APOA2: variants seen among roughly 807,000 people sequenced by gnomAD.
APOA2 encodes the protein apolipoprotein A2, also known as apolipoprotein A-II.
A neutral mutation model predicts 7.4 loss-of-function variants in APOA2; 3 were observed. The observed-to-expected ratio is 0.41, with a 90% CI of 0.18 to 1.05. The LOEUF is 1.05. Ranked by LOEUF, APOA2 falls within the 50% of genes least tolerant of loss-of-function variation. The pLI, the probability that APOA2 is intolerant of heterozygous loss-of-function variation, is 0.33. For synonymous variants in APOA2, 42 were observed against 47.8 expected (o/e 0.88, Z 0.50); for missense variants, 90 against 116.3 (o/e 0.77, Z 1.04).
rs1571634650 is a variant in APOA2, at chr1:161,222,377, G to T, written c.*28C>A. On this transcript the variant is annotated 3_prime_UTR_variant, in exon 4 of 4. Transcript: ENST00000367990. ...CCAGTGGGTGTTCTAGAGGCCAGCT[G>T]GGGTTGGAAGACAATGGTCTGGACA... 1 of 1,582,944 alleles carries T rather than the reference G, an allele frequency of 6.3e-7. No homozygotes were observed. Among genetic ancestry groups the T allele is most frequent in the Non-Finnish European group, 8.7e-7 (1 of 1,151,680 alleles).
intron 2 of APOA2, 142 bp downstream of exon 2, chr1:161,223,208 G>A (rs1666204617): frequency 1.3e-6 from 2 of 1,550,636 alleles, no homozygotes; most frequent in African/African-American, 1.4e-5. Flanking sequence ...ATCTTTGGAT[G>A]GGCTTTCTGG....
intron 2 of APOA2, 58 bp downstream of exon 2, chr1:161,223,292 G>A (rs1420269846): frequency 1.2e-6 from 2 of 1,604,226 alleles, no homozygotes; most frequent in South Asian, 1.1e-5. Flanking sequence ...CAGGCAGATA[G>A]GTAGCTATAA....
At chr1:161,222,778 A>G in intron 3 of APOA2, 140 bp downstream of exon 3, 1 of 1,281,332 alleles carries the variant, frequency 7.8e-7, no homozygotes, top group Non-Finnish European at 1.1e-6. Context: ...TCTTTGGGTG[A>G]TGAAATACTT....
In APOA2 at chr1:161,222,321, G is replaced by T; in HGVS notation, c.*84C>A. 1.0e-6 allele frequency: 1 copy of T among 970,540 alleles called. No homozygotes were observed. The highest frequency in any genetic ancestry group is 1.6e-6 in the Non-Finnish European group (1 of 606,868). 60.1% of individuals were successfully genotyped at this position (970,540 alleles called of 1,614,324 possible). ...TTCATTCAGCATTTATTGTAGCAAAGAGTGGGTAGGGACAGGAGCTCTAGG... is the reference window on the plus strand; with the variant it reads ...TTCATTCAGCATTTATTGTAGCAAATAGTGGGTAGGGACAGGAGCTCTAGG... On this transcript the variant is annotated 3_prime_UTR_variant, in exon 4 of 4. Coordinates refer to ENST00000367990, the MANE Select transcript of APOA2 (RefSeq NM_001643.2).
rs17244502 is a variant in APOA2 at position 161,223,055 on chromosome 1, C to CCA, written c.53-7_53-6dup. 50,949 of 1,578,498 alleles carry CCA rather than the reference C, an allele frequency of 0.032. 88 individuals carry two copies. Among genetic ancestry groups the CCA allele is most frequent in the Non-Finnish European group, 0.035 (40,057 of 1,158,328 alleles). ...CCTGTCTCCGAACCAAAGCTCCTGC[C>CCA]CACACACACACACACACACACACAC... On this transcript the variant is annotated splice_region_variant and splice_polypyrimidine_tract_variant and intron_variant, in intron 2 of 3. Transcript: ENST00000367990.
In APOA2 at chr1:161,222,656, C is replaced by A. The variant is rs1033003111; in HGVS notation, c.186-134G>T. 2.1e-5 allele frequency: 20 copies of A among 953,814 alleles called. No homozygotes were observed. The African/African-American group carries it at 3.1e-4, about 15-fold the overall frequency. The allele number at this position is 953,814 out of a possible 1,614,324, so 59.1% of individuals were successfully genotyped here. On this transcript the variant is annotated intron_variant, in intron 3 of 3. Coordinates refer to ENST00000367990, the MANE Select transcript of APOA2 (RefSeq NM_001643.2). ...GTGCCTGGTCCATCGCATGGCAAAG[C>A]CCCTAGGTAGGAATAGAGTCAAGAC...
Position 161,222,420 on chromosome 1 carries a change from C to T in APOA2, c.288G>A (p.Gln96=), listed in dbSNP as rs6413454. 5.3e-4 allele frequency: 851 copies of T among 1,614,136 alleles called. 4 individuals are homozygous for T. In the African/African-American group the frequency reaches 9.8e-3, roughly 19 times the overall value. ...FLSYFVELGT[Q]PATQ The stretch of plus-strand genomic sequence containing the variant: ...TCTGGACACTTCACTGGGTGGCAGG[C>T]TGTGTTCCAAGTTCCACGAAATAGC... The change falls in exon 4 of 4, where the codon CAG becomes CAA. Residue 96 remains glutamine, a synonymous_variant. Transcript: ENST00000367990.
rs113746270 is a variant in APOA2, at chr1:161,223,053, G to T, written c.53-3C>A. ...TGCCTGTCTCCGAACCAAAGCTCCTGCCCACACACACACACACACACACAC... is the reference window on the plus strand; with the variant it reads ...TGCCTGTCTCCGAACCAAAGCTCCTTCCCACACACACACACACACACACAC... On this transcript the variant is annotated splice_region_variant and splice_polypyrimidine_tract_variant and intron_variant, in intron 2 of 3. Coordinates refer to ENST00000367990, the MANE Select transcript of APOA2 (RefSeq NM_001643.2). The T allele has an allele frequency of 6.3e-7, 1 of 1,582,470 alleles. No individual in the cohort carries two copies. The highest frequency in any genetic ancestry group is 8.5e-7 in the Non-Finnish European group (1 of 1,170,326).
chr1:161,223,089 ACACACT>A (rs2102068335), intron 2 of APOA2, 39 bp from the exon 3 acceptor site: 2 of 1,062,104 alleles, frequency 1.9e-6, no homozygotes, highest in African/African-American at 1.7e-5. Flanking sequence ...ACACACACAC[ACACACT>A]CTTTTCAGCT....
Position 161,223,421 on chromosome 1 carries a change from G to A in APOA2, c.-20C>T, listed in dbSNP as rs756693875. ...CTTCATGTTGGTAACAGTGGGGAGG[G>A]CGGCCTAGGAAGAGGGTGGTGGGGG... On this transcript the variant is annotated 5_prime_UTR_variant, in exon 2 of 4. Coordinates refer to ENST00000367990, the MANE Select transcript of APOA2 (RefSeq NM_001643.2). 3 of 1,611,244 alleles carry A rather than the reference G, an allele frequency of 1.9e-6. No homozygotes were observed. The highest frequency in any genetic ancestry group is 1.7e-5 in the Admixed American group (1 of 59,698).
At chr1:161,222,736 G>T (rs1456796894) in intron 3 of APOA2, among the ~76,000 whole-genome samples, 182 bp downstream of exon 3, 2 of 152,194 alleles carry the variant, frequency 1.3e-5, no homozygotes, top group Non-Finnish European at 2.9e-5. Context: ...CCCAGTTCTT[G>T]CTGTTCCTCT....
intron 2 of APOA2, 22 bp downstream of exon 2, chr1:161,223,328 C>A (rs755246981): frequency 6.2e-7 from 1 of 1,613,458 alleles, no homozygotes. Context: ...CCCTTTTGGC[C>A]CCCTCTCCAT....
In APOA2 at chr1:161,223,596, T is replaced by A. The variant is rs1178103574; in HGVS notation, c.-26A>T. On this transcript the variant is annotated splice_region_variant and 5_prime_UTR_variant, in exon 1 of 4. Coordinates refer to ENST00000367990, the MANE Select transcript of APOA2 (RefSeq NM_001643.2). ...ACACATCTTGCCTCCTTATCTTACC[T>A]AGCCAGCGTCTCTGTCCTTGGTGTC... The A allele has an allele frequency of 1.4e-5, 9 of 646,554 alleles. No individual in the cohort carries two copies. The highest frequency in any genetic ancestry group is 2.2e-5 in the Non-Finnish European group (8 of 360,336). The allele number at this position is 646,554 out of a possible 1,614,324, so 40.1% of individuals were successfully genotyped here.
At position 161,223,443 on chromosome 1, in the gene APOA2, G is replaced by A. The variant is rs775147319; in HGVS notation, c.-24-18C>T. 4 of 1,597,712 alleles carry A rather than the reference G, an allele frequency of 2.5e-6. No individual in the cohort carries two copies. Among genetic ancestry groups the A allele is most frequent in the Non-Finnish European group, 3.4e-6 (4 of 1,170,228 alleles). On this transcript the variant is annotated intron_variant, in intron 1 of 3. Coordinates refer to ENST00000367990, the MANE Select transcript of APOA2 (RefSeq NM_001643.2). The stretch of plus-strand genomic sequence containing the variant: ...AGGGCGGCCTAGGAAGAGGGTGGTG[G>A]GGGTTTGGGGGACACTGAAGCCAAA...
rs1666190425 is a variant in APOA2 at position 161,222,662 on chromosome 1, G to A, written c.186-140C>T. The A allele has an allele frequency of 1.2e-5, 11 of 937,576 alleles. No homozygotes were observed. The South Asian group carries it at 1.3e-4, about 11-fold the overall frequency. The allele number at this position is 937,576 out of a possible 1,614,324, so 58.1% of individuals were successfully genotyped here. On this transcript the variant is annotated intron_variant, in intron 3 of 3. Coordinates refer to ENST00000367990, the MANE Select transcript of APOA2 (RefSeq NM_001643.2). Reference sequence around the variant, plus strand: ...GGTCCATCGCATGGCAAAGCCCCTAGGTAGGAATAGAGTCAAGACCTTTGC... The same window carrying A: ...GGTCCATCGCATGGCAAAGCCCCTAAGTAGGAATAGAGTCAAGACCTTTGC...
intron 1 of APOA2, 77 bp from the exon 2 acceptor site, chr1:161,223,502 C>A (rs772965415): frequency 1.5e-5 from 18 of 1,236,814 alleles, no homozygotes; most frequent in Non-Finnish European, 2.1e-5. Context: ...ATCTCCCTAC[C>A]TGCTGCCCAT....
Position 161,223,039 on chromosome 1 carries a change from G to A in APOA2, c.64C>T (p.Arg22Trp), listed in dbSNP as rs1268122983. ...TICSLEGALV[R>W]RQAKEPCVES... ...ACACATGGCTCCTTTGCCTGTCTCC[G>A]AACCAAAGCTCCTGCCCACACACAC... The change falls in exon 3 of 4, where the codon CGG becomes TGG. Residue 22 changes from arginine (R) to tryptophan (W), a missense_variant. By Grantham distance (101) the Arg-to-Trp change is moderately radical. Transcript: ENST00000367990. The A allele has an allele frequency of 4.3e-6, 7 of 1,609,610 alleles. No individual in the cohort carries two copies. Among genetic ancestry groups the A allele is most frequent in the Admixed American group, 1.7e-5 (1 of 59,362 alleles).
At chr1:161,223,298 T>A in intron 2 of APOA2, 52 bp downstream of exon 2, 1 of 1,608,088 alleles carries the variant, frequency 6.2e-7, no homozygotes, top group Non-Finnish European at 8.5e-7. Context: ...GATAGGTAGC[T>A]ATAACCACCA....
Position 161,223,055 on chromosome 1 carries a change from CCACACACA to C in APOA2, c.53-13_53-6del, listed in dbSNP as rs17244502. On this transcript the variant is annotated splice_region_variant and splice_polypyrimidine_tract_variant and intron_variant, in intron 2 of 3. Transcript: ENST00000367990. ...CCTGTCTCCGAACCAAAGCTCCTGC[CCACACACA>C]CACACACACACACACACACACACAC... is the stretch of plus-strand genomic sequence containing the variant. The C allele has an allele frequency of 0.021, 31,178 of 1,508,324 alleles. 31 individuals carry two copies. The highest frequency in any genetic ancestry group is 0.049 in the East Asian group (2,014 of 41,018). 93.4% of individuals were successfully genotyped at this position (1,508,324 alleles called of 1,614,324 possible).
Sources: gnomAD v4.1 joint callset for allele counts (sites outside exome capture counted in the v4.1 genomes callset) on GRCh38, gnomAD v4.1.1 for gene constraint, MANE v1.5 for transcripts, NCBI Gene and HGNC (gene_info 2026-07-23, HGNC 2026-07-21) for gene names.